Variants in PLEKHA5 observed in about 807,000 individuals in gnomAD.
PLEKHA5 encodes pleckstrin homology domain containing A5, also known as pleckstrin homology domain-containing family A member 5.
PLEKHA5 carries 55 observed loss-of-function variants against 181.9 expected under a neutral mutation model. The ratio of observed to expected loss-of-function variants is 0.30; its 90% confidence interval spans 0.24 to 0.38. PLEKHA5 has a LOEUF of 0.38. Among genes scored for constraint, PLEKHA5 ranks in the 10% least tolerant of loss-of-function variants. The probability of loss-of-function intolerance (pLI) is 1.00; values close to 1 mark genes in which losing one functional copy is unlikely to be tolerated. For missense variants in PLEKHA5, 1,432 were observed against 1,549.5 expected (o/e 0.92, Z 1.27); for synonymous variants, 535 against 529.4 (o/e 1.01, Z -0.15).
intron 20 of PLEKHA5, among the ~76,000 whole-genome samples, chr12:19,334,819 A>AC (rs1491379744): frequency 2.5e-4 from 1 of 3,946 alleles, no homozygotes; most frequent in African/African-American, 4.0e-4. Flanking sequence ...CTGTCTTCAC[A>AC]AAAAAAAAAA....
At chr12:19,191,215 G>T (rs756214484) in intron 3 of PLEKHA5, among the ~76,000 whole-genome samples, 9 of 152,002 alleles carry the variant, frequency 5.9e-5, no homozygotes, top group Non-Finnish European at 1.3e-4. Context: ...TCTACTAATG[G>T]GTCAGACCAA....
intron 3 of PLEKHA5, chr12:19,201,384 G>C (rs2054149093): frequency 6.6e-6 from 1 of 152,034 alleles, no homozygotes; most frequent in Non-Finnish European, 1.5e-5. Flanking sequence ...TGTTACACTA[G>C]TAATAGAAAT....
At chr12:19,183,806 C>G (rs2049171724) in intron 3 of PLEKHA5, among the ~76,000 whole-genome samples, 1 of 152,114 alleles carries the variant, frequency 6.6e-6, no homozygotes, top group South Asian at 2.1e-4. Flanking sequence ...CTCTGCCTGC[C>G]AGGTTCAAAC....
chr12:19,364,071 G>A (rs1482172191), intron 29 of PLEKHA5, among the ~76,000 whole-genome samples: 1 of 152,168 alleles, frequency 6.6e-6, no homozygotes, highest in East Asian at 1.9e-4. Context: ...CATTTTGGAG[G>A]ATGCTAGAGA....
intron 3 of PLEKHA5, among the ~76,000 whole-genome samples, chr12:19,180,339 G>A (rs1439742984): frequency 6.6e-6 from 1 of 152,090 alleles, no homozygotes; most frequent in Non-Finnish European, 1.5e-5. Flanking sequence ...AGACTGTTTT[G>A]CAGGCCCAGC....
At chr12:19,322,944 C>G (rs1449206229) in intron 20 of PLEKHA5, among the ~76,000 whole-genome samples, 1 of 151,008 alleles carries the variant, frequency 6.6e-6, no homozygotes, top group Non-Finnish European at 1.5e-5. Flanking sequence ...GCCTGAATCT[C>G]TTGGACTCAA....
intron 3 of PLEKHA5, among the ~76,000 whole-genome samples, chr12:19,141,467 A>G (rs1177666316): frequency 6.6e-6 from 1 of 152,234 alleles, no homozygotes. Context: ...GGAAGTCAAG[A>G]TGTGAAAGAC....
chr12:19,261,467 T>C (rs1273595480), intron 7 of PLEKHA5, among the ~76,000 whole-genome samples: 2 of 152,196 alleles, frequency 1.3e-5, no homozygotes, highest in African/African-American at 2.4e-5. Flanking sequence ...TTTTGAACTT[T>C]TTTTTTGACC....
At chr12:19,231,921 G>A (rs998270635) in intron 3 of PLEKHA5, among the ~76,000 whole-genome samples, 17 of 151,942 alleles carry the variant, frequency 1.1e-4, no homozygotes, top group Admixed American at 3.3e-4. Context: ...TTTCCATCGA[G>A]AAAAATTGTC....
chr12:19,165,313 C>G (rs1438484481), intron 3 of PLEKHA5, among the ~76,000 whole-genome samples: 1 of 152,180 alleles, frequency 6.6e-6, no homozygotes, highest in Non-Finnish European at 1.5e-5. Flanking sequence ...GATCACAGCA[C>G]TATTTATGTC....
chr12:19,313,429 A>G (rs2087323152), intron 15 of PLEKHA5, among the ~76,000 whole-genome samples: 2 of 152,204 alleles, frequency 1.3e-5, no homozygotes, highest in Admixed American at 6.5e-5. Context: ...TGTAATTATT[A>G]AGTTTGACAA....
At chr12:19,156,555 C>T (rs2041768891) in intron 3 of PLEKHA5, among the ~76,000 whole-genome samples, 1 of 151,868 alleles carries the variant, frequency 6.6e-6, no homozygotes, top group Non-Finnish European at 1.5e-5. Flanking sequence ...CTACTTGTCA[C>T]ATCTGAGACT....
chr12:19,306,790 A>T (rs2083913272), intron 15 of PLEKHA5: 4 of 874,006 alleles, frequency 4.6e-6, no homozygotes, highest in Non-Finnish European at 5.9e-6. Context: ...CATGATCCAG[A>T]CTCAGCAGTT....
At chr12:19,241,110 CA>C (rs1340724216) in intron 3 of PLEKHA5, among the ~76,000 whole-genome samples, 7 of 152,116 alleles carry the variant, frequency 4.6e-5, no homozygotes, top group African/African-American at 1.7e-4. Context: ...AGAGAACCAA[CA>C]ATTATTTAAA....
chr12:19,284,243 A>G (rs1284345965), intron 12 of PLEKHA5, among the ~76,000 whole-genome samples: 1 of 151,848 alleles, frequency 6.6e-6, no homozygotes, highest in African/African-American at 2.4e-5. Flanking sequence ...TAATTTTTGT[A>G]TTTTTAGTAG....
chr12:19,340,415 G>A (rs796353876), intron 21 of PLEKHA5, among the ~76,000 whole-genome samples: 72 of 110,822 alleles, frequency 6.5e-4, no homozygotes, highest in Non-Finnish European at 1.1e-3. Context: ...GGAGGTGAGG[G>A]GCGCCTCTGC....
At chr12:19,276,451 G>A (rs1479562705) in intron 11 of PLEKHA5, among the ~76,000 whole-genome samples, 1 of 152,200 alleles carries the variant, frequency 6.6e-6, no homozygotes. Flanking sequence ...AGCACTTCGG[G>A]AGGCCAAGGC....
chr12:19,252,707 TCTC>T (rs1351759295), intron 3 of PLEKHA5, among the ~76,000 whole-genome samples: 1 of 152,128 alleles, frequency 6.6e-6, no homozygotes, highest in Non-Finnish European at 1.5e-5. Flanking sequence ...GATTTTTGCT[TCTC>T]CTTCAGATTT....
intron 20 of PLEKHA5, among the ~76,000 whole-genome samples, chr12:19,323,537 G>C (rs181762036): frequency 2.0e-5 from 3 of 151,502 alleles, no homozygotes; most frequent in Admixed American, 2.0e-4. Flanking sequence ...AAATAGCAAG[G>C]CTGGGTGCGG....
Sources: allele counts gnomAD v4.1 joint callset (sites outside exome capture counted in the v4.1 genomes callset), GRCh38; gene constraint gnomAD v4.1.1; transcripts MANE v1.5; gene names NCBI Gene and HGNC (gene_info 2026-07-23, HGNC 2026-07-21).